The following CIDEA variants were observed in gnomAD, a reference collection of about 807,000 sequenced individuals.
CIDEA encodes the protein lipid transferase CIDEA.
In CIDEA, 10 loss-of-function variants were observed where a neutral mutation model predicts 18.2. The ratio of observed to expected loss-of-function variants is 0.55; its 90% CI spans 0.34 to 0.93. The LOEUF (loss-of-function observed/expected upper bound fraction) is 0.93. CIDEA is among the 40% of genes least tolerant of loss of function. CIDEA has a pLI of 0.02. For synonymous variants in CIDEA, 128 were observed against 124.8 expected (o/e 1.03, Z -0.17); for missense variants, 309 against 293.1 (o/e 1.05, Z -0.40).
rs546336819 is a variant in CIDEA, at chr18:12,256,640, T to C, written c.38+2219T>C. 3.8e-4 allele frequency among the ~76,000 whole-genome samples: 58 copies of C among 152,340 alleles called. No individual in the cohort carries two copies. The South Asian group carries it at 9.5e-3, about 25-fold the overall frequency. On this transcript the variant is annotated intron_variant, in intron 1 of 4. Transcript: ENST00000320477. ...TACATGTTATAAGCTTCGTGTGAAA[T>C]GGCTGCTTTCATAGCTATCTAGCAC...
At chr18:12,275,568 CT>C (rs1231696153) in intron 4 of CIDEA, among the ~76,000 whole-genome samples, 1 of 152,214 alleles carries the variant, frequency 6.6e-6, no homozygotes, top group African/African-American at 2.4e-5. Flanking sequence ...CCAGTGCCCC[CT>C]GCACGTCCCT....
At chr18:12,263,044 C>T in intron 2 of CIDEA, 75 bp downstream of exon 2, 1 of 1,488,396 alleles carries the variant, frequency 6.7e-7, no homozygotes, top group South Asian at 1.3e-5. Context: ...GTCTTGGGCT[C>T]TAAGCCAGGG....
intron 3 of CIDEA, among the ~76,000 whole-genome samples, chr18:12,267,954 C>CA (rs1288630372): frequency 2.0e-5 from 3 of 152,186 alleles, no homozygotes; most frequent in African/African-American, 7.2e-5. Flanking sequence ...ATGCACAGGA[C>CA]AACCCCGACA....
intron 3 of CIDEA, among the ~76,000 whole-genome samples, chr18:12,269,341 G>A (rs1912447920): frequency 6.6e-6 from 1 of 152,184 alleles, no homozygotes; most frequent in African/African-American, 2.4e-5. Context: ...AAAGGAGGAG[G>A]ATTTTAATAG....
intron 3 of CIDEA, among the ~76,000 whole-genome samples, chr18:12,272,288 C>T (rs1173788883): frequency 6.6e-6 from 1 of 152,144 alleles, no homozygotes; most frequent in Non-Finnish European, 1.5e-5. Context: ...TCTCGGCTCA[C>T]TGCAACCTCT....
intron 1 of CIDEA, among the ~76,000 whole-genome samples, chr18:12,257,886 G>A (rs1276660050): frequency 2.6e-5 from 4 of 152,156 alleles, no homozygotes; most frequent in Admixed American, 6.5e-5. Context: ...TCTACTCAGC[G>A]GGCTGGAGGT....
intron 3 of CIDEA, among the ~76,000 whole-genome samples, chr18:12,271,698 C>A (rs1912536770): frequency 6.6e-6 from 1 of 152,146 alleles, no homozygotes; most frequent in Admixed American, 6.5e-5. Flanking sequence ...GCCGGCCACG[C>A]GCTCCAGGGG....
At chr18:12,273,888 G>A (rs1912621037) in intron 3 of CIDEA, among the ~76,000 whole-genome samples, 1 of 152,206 alleles carries the variant, frequency 6.6e-6, no homozygotes, top group African/African-American at 2.4e-5. Context: ...GCAGATCAGG[G>A]ACAGACGCCT....
intron 1 of CIDEA, among the ~76,000 whole-genome samples, chr18:12,260,006 G>A (rs1912145576): frequency 6.6e-6 from 1 of 152,190 alleles, no homozygotes; most frequent in African/African-American, 2.4e-5. Flanking sequence ...TCTTGCCAAT[G>A]ACCTTGGTCT....
chr18:12,259,776 G>A (rs1185475566), intron 1 of CIDEA, among the ~76,000 whole-genome samples: 3 of 152,158 alleles, frequency 2.0e-5, no homozygotes, highest in Non-Finnish European at 4.4e-5. Flanking sequence ...CAGGAGAATT[G>A]CTTGAACCCG....
At chr18:12,264,689 G>A (rs1475311387) in intron 3 of CIDEA, among the ~76,000 whole-genome samples, 3 of 152,252 alleles carry the variant, frequency 2.0e-5, no homozygotes, top group Admixed American at 1.3e-4. Flanking sequence ...GAGTAGCTGG[G>A]ACTACAGGCA....
chr18:12,277,122 G>A lies in CIDEA; in HGVS notation c.513-1G>A. The A allele has an allele frequency of 6.2e-7, 1 of 1,613,976 alleles. No individual in the cohort carries two copies. Among genetic ancestry groups the A allele is most frequent in the Non-Finnish European group, 8.5e-7 (1 of 1,179,908 alleles). ...AGCCTCCCCATCTGCCTCTGCCACA[G>A]GAGTCTGCTGCGGTTCCTGTCCTAC... On this transcript the variant is annotated splice_acceptor_variant, in intron 4 of 4. Coordinates refer to ENST00000320477, the MANE Select transcript of CIDEA (RefSeq NM_001279.4). LOFTEE classifies it high-confidence loss of function.
chr18:12,269,284 G>C (rs1247751618), intron 3 of CIDEA, among the ~76,000 whole-genome samples: 1 of 152,134 alleles, frequency 6.6e-6, no homozygotes, highest in African/African-American at 2.4e-5. Context: ...ATATTGTTTT[G>C]ATGGAAGTAT....
intron 2 of CIDEA, 105 bp from the exon 3 acceptor site, chr18:12,264,202 G>A (rs1412391697): frequency 9.0e-6 from 10 of 1,105,406 alleles, no homozygotes; most frequent in Middle Eastern, 2.1e-4. Context: ...AATTTTATCA[G>A]AATCAGCCCA....
chr18:12,276,653 G>A (rs1013922403), intron 4 of CIDEA, among the ~76,000 whole-genome samples: 1 of 152,186 alleles, frequency 6.6e-6, no homozygotes, highest in Non-Finnish European at 1.5e-5. Context: ...CTTGGCTATC[G>A]CATCCCCATG....
At chr18:12,261,142 G>T (rs1428890015) in intron 1 of CIDEA, among the ~76,000 whole-genome samples, 1 of 152,162 alleles carries the variant, frequency 6.6e-6, no homozygotes. Context: ...TAGCACTTTG[G>T]GATGCTGAGG....
At chr18:12,261,460 A>AGTGACAGCAGCAGGGTAC (rs1912189741) in intron 1 of CIDEA, among the ~76,000 whole-genome samples, 1 of 152,234 alleles carries the variant, frequency 6.6e-6, no homozygotes, top group African/African-American at 2.4e-5. Flanking sequence ...CAGCAGGGTA[A>AGTGACAGCAGCAGGGTAC]CTGTGTCTCC....
intron 3 of CIDEA, among the ~76,000 whole-genome samples, chr18:12,270,645 C>T (rs2144080510): frequency 7.8e-6 from 1 of 129,020 alleles, no homozygotes; most frequent in Middle Eastern, 5.7e-3. Context: ...TGAGATAGCA[C>T]CAATGCACTC....
rs1003282403 is a variant in CIDEA, at chr18:12,277,460, T to TG, written c.*197dup. 44 of 381,480 alleles carry TG rather than the reference T, an allele frequency of 1.2e-4. No individual in the cohort carries two copies. The highest frequency in any genetic ancestry group is 9.7e-4 in the African/African-American group (41 of 42,318). The allele number at this position is 381,480 out of a possible 1,614,324, so 23.6% of individuals were successfully genotyped here. Reference sequence around the variant, plus strand: ...AGTGGGGGCAGTGGGCAGGGTGCCCTGGGGGGGAGGCATAGAGGGCCCTGG... The same window carrying TG: ...AGTGGGGGCAGTGGGCAGGGTGCCCTGGGGGGGGAGGCATAGAGGGCCCTGG... On this transcript the variant is annotated 3_prime_UTR_variant, in exon 5 of 5. Transcript: ENST00000320477.
Sources: gnomAD v4.1 joint callset for allele counts (sites outside exome capture counted in the v4.1 genomes callset) on GRCh38, gnomAD v4.1.1 for gene constraint, MANE v1.5 for transcripts, NCBI Gene and HGNC (gene_info 2026-07-23, HGNC 2026-07-21) for gene names.